FAM171A1: variants seen among roughly 807,000 people sequenced by gnomAD.
FAM171A1 encodes the protein family with sequence similarity 171 member A1.
A neutral mutation model predicts 74.9 loss-of-function variants in FAM171A1; 23 were observed. The observed-to-expected ratio is 0.31, with a 90% CI of 0.22 to 0.44. FAM171A1 has a LOEUF of 0.44. Among genes scored for constraint, FAM171A1 ranks in the 20% least tolerant of loss-of-function variants. FAM171A1 has a pLI of 1.00. For synonymous variants in FAM171A1, 527 were observed against 505.7 expected (o/e 1.04, Z -0.57); for missense variants, 1,162 against 1,159.2 (o/e 1.00, Z -0.03).
At chr10:15,215,740 C>T (rs1833958591) in intron 7 of FAM171A1, among the ~76,000 whole-genome samples, 1 of 152,136 alleles carries the variant, frequency 6.6e-6, no homozygotes, top group African/African-American at 2.4e-5. Flanking sequence ...CTGAATAAAT[C>T]AGATGACTAT....
At chr10:15,269,920 ATCAGGT>A (rs1834800085) in intron 3 of FAM171A1, among the ~76,000 whole-genome samples, 1 of 152,222 alleles carries the variant, frequency 6.6e-6, no homozygotes, top group African/African-American at 2.4e-5. Flanking sequence ...TGGATTCCAG[ATCAGGT>A]TCCAAGATGG....
chr10:15,244,699 G>T (rs1474275974), intron 5 of FAM171A1, among the ~76,000 whole-genome samples: 2 of 152,070 alleles, frequency 1.3e-5, no homozygotes, highest in African/African-American at 4.8e-5. Context: ...CTTGGTGAAG[G>T]TGCAGGGAGT....
At chr10:15,345,927 T>C (rs1835812953) in intron 1 of FAM171A1, among the ~76,000 whole-genome samples, 1 of 152,086 alleles carries the variant, frequency 6.6e-6, no homozygotes, top group African/African-American at 2.4e-5. Flanking sequence ...AAATGTCCGC[T>C]GGATCTGGAG....
At chr10:15,244,293 T>G (rs927683807) in intron 5 of FAM171A1, among the ~76,000 whole-genome samples, 2 of 152,114 alleles carry the variant, frequency 1.3e-5, no homozygotes, top group Non-Finnish European at 2.9e-5. Context: ...AGGCGGAGGT[T>G]GTAGTGAGCT....
At chr10:15,335,262 G>T (rs962666872) in intron 1 of FAM171A1, among the ~76,000 whole-genome samples, 2 of 151,782 alleles carry the variant, frequency 1.3e-5, no homozygotes, top group Non-Finnish European at 2.9e-5. Flanking sequence ...CAAAACAAAC[G>T]ACAAACAAAC....
intron 3 of FAM171A1, among the ~76,000 whole-genome samples, chr10:15,272,471 T>C (rs1229201720): frequency 6.6e-6 from 1 of 152,136 alleles, no homozygotes; most frequent in African/African-American, 2.4e-5. Context: ...CTGTCAACAT[T>C]AGACAGATCA....
chr10:15,213,476 G>T lies in FAM171A1; in HGVS notation c.2112C>A (p.His704Gln), dbSNP rs764813651. 1 of 1,614,016 alleles carries T rather than the reference G, an allele frequency of 6.2e-7. No individual in the cohort carries two copies. Among genetic ancestry groups the T allele is most frequent in the East Asian group, 2.2e-5 (1 of 44,882 alleles). Residue 704 changes from histidine to glutamine, a missense_variant, in exon 8 of 8, where the codon CAC becomes CAA. His to Gln is a conservative substitution (Grantham distance 24, BLOSUM62 0). Coordinates refer to ENST00000378116, the MANE Select transcript of FAM171A1 (RefSeq NM_001010924.2). The surrounding 1 kb of genome is among the most constrained non-coding windows in gnomAD (Gnocchi z 6.8). ...MELGGGKPLP[H>Q]PRAWFVSLDG... ...CCAAGGAGACGAACCACGCCCGGGG[G>T]TGCGGAAGCGGCTTCCCACCCCCAA...
intron 2 of FAM171A1, 26 bp downstream of exon 2, chr10:15,283,852 T>C (rs1172573990): frequency 6.2e-7 from 1 of 1,610,854 alleles, no homozygotes; most frequent in Admixed American, 1.7e-5. Context: ...GCCCTCTGTG[T>C]TAAAGAAAGA....
rs759868497 is a variant in FAM171A1 at position 15,254,831 on chromosome 10, A to C, written c.467T>G (p.Leu156Trp). 1 of 1,614,192 alleles carries C rather than the reference A, an allele frequency of 6.2e-7. No individual in the cohort carries two copies. The highest frequency in any genetic ancestry group is 2.2e-5 in the East Asian group (1 of 44,882). ...RVHFQRRALRLPENTSYSDLT... is the reference protein window; with the variant it reads ...RVHFQRRALRWPENTSYSDLT... ...GTCACTGTAGCTGGTGTTCTCAGGC[A>C]ACCTCAGAGCCCTTCTCTGGAAATG... is the stretch of plus-strand genomic sequence containing the variant. The change falls in exon 4 of 8, where the codon TTG (leucine) becomes TGG (tryptophan). Residue 156 changes from leucine to tryptophan, a missense_variant. By Grantham distance (61) the Leu-to-Trp change is moderately conservative. Transcript: ENST00000378116.
At chr10:15,256,134 T>A (rs1168559552) in intron 3 of FAM171A1, among the ~76,000 whole-genome samples, 3 of 152,112 alleles carry the variant, frequency 2.0e-5, no homozygotes, top group Non-Finnish European at 4.4e-5. Flanking sequence ...GAGGGTTCCT[T>A]CTCCCGGCCC....
chr10:15,213,785 G>A lies in FAM171A1; in HGVS notation c.1803C>T (p.Leu601=). ...CAAGCTGCTGATCAGCCGGGACGACGAGGGGCTGGCTGACATAGGAGTGGT... is the reference window on the plus strand; with the variant it reads ...CAAGCTGCTGATCAGCCGGGACGACAAGGGGCTGGCTGACATAGGAGTGGT... The part of the protein sequence containing the change: ...PGDHSYVSQP[L]VVPADQQLEI... The change falls in exon 8 of 8, where the codon CTC becomes CTT. Residue 601 remains leucine, a synonymous_variant. Transcript: ENST00000378116. The surrounding 1 kb of genome is among the most constrained non-coding windows in gnomAD (Gnocchi z 6.8). 2 of 1,614,158 alleles carry A rather than the reference G, an allele frequency of 1.2e-6. No individual in the cohort carries two copies. The highest frequency in any genetic ancestry group is 8.5e-7 in the Non-Finnish European group (1 of 1,180,022).
chr10:15,351,647 G>A (rs1377168196), intron 1 of FAM171A1, among the ~76,000 whole-genome samples: 4 of 85,558 alleles, frequency 4.7e-5, no homozygotes, highest in Non-Finnish European at 1.1e-4. Context: ...ATGCATGGAT[G>A]GATGGATGCA....
chr10:15,371,205 C>T lies in FAM171A1; in HGVS notation c.-153G>A, dbSNP rs1244759090. The T allele has an allele frequency of 4.4e-5, 7 of 160,504 alleles. No individual in the cohort carries two copies. The highest frequency in any genetic ancestry group is 7.6e-5 in the Non-Finnish European group (6 of 78,728). 9.9% of individuals were successfully genotyped at this position (160,504 alleles called of 1,614,324 possible). The stretch of plus-strand genomic sequence containing the variant: ...TGGCCCGGCCCCGCCGCCCCGGCCG[C>T]TCCCTCCCGCGCCCCGCGCCGGGTT... On this transcript the variant is annotated 5_prime_UTR_variant, in exon 1 of 8. Coordinates refer to ENST00000378116, the MANE Select transcript of FAM171A1 (RefSeq NM_001010924.2).
intron 3 of FAM171A1, among the ~76,000 whole-genome samples, chr10:15,262,719 G>A (rs1017982273): frequency 6.6e-6 from 1 of 152,238 alleles, no homozygotes; most frequent in Admixed American, 6.5e-5. Flanking sequence ...GAATGGCAAA[G>A]CCTTCAGTGA....
At chr10:15,320,697 TC>T (rs1350276929) in intron 1 of FAM171A1, among the ~76,000 whole-genome samples, 1 of 152,232 alleles carries the variant, frequency 6.6e-6, no homozygotes, top group Admixed American at 6.5e-5. Context: ...GTGGTTTTGA[TC>T]TGCATTTCTC....
intron 3 of FAM171A1, among the ~76,000 whole-genome samples, chr10:15,267,976 T>C (rs1292562698): frequency 3.9e-5 from 6 of 152,192 alleles, no homozygotes; most frequent in Non-Finnish European, 5.9e-5. Flanking sequence ...ACAGTGGATG[T>C]TGAAGGTGGC....
chr10:15,306,255 GTTC>G (rs932653226), intron 1 of FAM171A1, among the ~76,000 whole-genome samples: 13 of 152,158 alleles, frequency 8.5e-5, no homozygotes, highest in African/African-American at 3.1e-4. Context: ...ACTGTTTGGG[GTTC>G]TTCTTTGAAA....
In FAM171A1 at chr10:15,236,344, G is replaced by T. The variant is rs569648218; in HGVS notation, c.754+12295C>A. ...GCTAAATAATAGCAGCGATGATGATGATAAGAGCGGCAAACACATACGGAG... is the reference window on the plus strand; with the variant it reads ...GCTAAATAATAGCAGCGATGATGATTATAAGAGCGGCAAACACATACGGAG... On this transcript the variant is annotated intron_variant, in intron 5 of 7. Coordinates refer to ENST00000378116, the MANE Select transcript of FAM171A1 (RefSeq NM_001010924.2). Among the ~76,000 whole-genome samples, 12 of 151,764 alleles carry T rather than the reference G, an allele frequency of 7.9e-5. No individual in the cohort carries two copies. The South Asian group carries it at 1.9e-3, about 24-fold the overall frequency.
At chr10:15,315,858 C>A (rs1835415854) in intron 1 of FAM171A1, among the ~76,000 whole-genome samples, 1 of 151,944 alleles carries the variant, frequency 6.6e-6, no homozygotes, top group South Asian at 2.1e-4. Context: ...CCCTGACTAT[C>A]AATATAAGGT....
Sources: gnomAD v4.1 joint callset for allele counts (sites outside exome capture counted in the v4.1 genomes callset) on GRCh38, gnomAD v4.1.1 for gene constraint, Gnocchi (gnomAD v3.1) non-coding constraint, MANE v1.5 for transcripts, NCBI Gene and HGNC (gene_info 2026-07-23, HGNC 2026-07-21) for gene names.